Variants in KHDRBS3 observed in about 807,000 individuals in gnomAD.
KHDRBS3 encodes the protein KH RNA binding domain containing, signal transduction associated 3, also known as KH domain-containing, RNA-binding, signal transduction-associated protein 3.
Under a neutral mutation model 45.6 loss-of-function variants are expected in KHDRBS3, and 23 were observed. The observed-to-expected ratio is 0.50, with a 90% CI of 0.36 to 0.72. The LOEUF (loss-of-function observed/expected upper bound fraction) is 0.72. Among genes scored for constraint, KHDRBS3 ranks in the 30% least tolerant of loss-of-function variants. The pLI, the probability that KHDRBS3 is intolerant of heterozygous loss-of-function variation, is 0.00. For synonymous variants in KHDRBS3, 162 were observed against 156.5 expected, an observed-to-expected ratio of 1.04 and a Z score of -0.26; for missense variants, 352 against 424.8, an observed-to-expected ratio of 0.83 and a Z score of 1.51.
intron 3 of KHDRBS3, 149 bp downstream of exon 3, chr8:135,542,919 A>G (rs1487527568): frequency 1.8e-6 from 1 of 561,926 alleles, no homozygotes; most frequent in Non-Finnish European, 3.1e-6. Context: ...GCTTCAGAAT[A>G]TGTAGTAACT....
intron 7 of KHDRBS3, among the ~76,000 whole-genome samples, chr8:135,630,482 A>AGTGT: frequency 6.6e-6 from 1 of 151,002 alleles, no homozygotes; most frequent in African/African-American, 2.4e-5. Flanking sequence ...TATAAAGTTT[A>AGTGT]ATGTATGTAT....
chr8:135,512,566 GT>G (rs1824357964), intron 1 of KHDRBS3, among the ~76,000 whole-genome samples: 1 of 151,962 alleles, frequency 6.6e-6, no homozygotes, highest in South Asian at 2.1e-4. Flanking sequence ...ACAAGTTACA[GT>G]TTTTAGAAGA....
chr8:135,475,580 A>G (rs1822242301), intron 1 of KHDRBS3, among the ~76,000 whole-genome samples: 1 of 152,018 alleles, frequency 6.6e-6, no homozygotes, highest in Admixed American at 6.6e-5. Flanking sequence ...CCAAAGTGTA[A>G]GGAGCATAGG....
At position 135,557,435 on chromosome 8, in the gene KHDRBS3, G is replaced by C. The variant is rs1412579579; in HGVS notation, c.472-13G>C. On this transcript the variant is annotated splice_polypyrimidine_tract_variant and intron_variant, in intron 4 of 8. Coordinates refer to ENST00000355849, the MANE Select transcript of KHDRBS3 (RefSeq NM_006558.3). ...TATGAAGTGAATTTTGCTATCTTCT[G>C]TCTTTTGTGTAGGATTATAATGATG... The C allele has an allele frequency of 6.4e-7, 1 of 1,573,120 alleles. No individual in the cohort carries two copies.
intron 1 of KHDRBS3, among the ~76,000 whole-genome samples, chr8:135,489,461 C>T (rs993222151): frequency 7.7e-4 from 117 of 152,248 alleles, no homozygotes; most frequent in African/African-American, 2.4e-3. Flanking sequence ...GGGTGGATCA[C>T]GAGGTCAAGA....
At chr8:135,465,473 G>A (rs558507210) in intron 1 of KHDRBS3, among the ~76,000 whole-genome samples, 1 of 152,178 alleles carries the variant, frequency 6.6e-6, no homozygotes, top group South Asian at 2.1e-4. Context: ...AATTATTTTA[G>A]TTTTCCAATC....
At chr8:135,608,266 T>C (rs181148864) in intron 7 of KHDRBS3, among the ~76,000 whole-genome samples, 1 of 152,230 alleles carries the variant, frequency 6.6e-6, no homozygotes, top group Non-Finnish European at 1.5e-5. Context: ...CAAAGATATG[T>C]ACCCTTTATA....
intron 2 of KHDRBS3, among the ~76,000 whole-genome samples, chr8:135,533,833 A>G (rs1825599302): frequency 6.6e-6 from 1 of 152,216 alleles, no homozygotes; most frequent in African/African-American, 2.4e-5. Flanking sequence ...AGCCTACCTT[A>G]AATATGTTCG....
chr8:135,591,650 A>T (rs184316470), intron 6 of KHDRBS3, among the ~76,000 whole-genome samples: 1 of 152,164 alleles, frequency 6.6e-6, no homozygotes, highest in Non-Finnish European at 1.5e-5. Flanking sequence ...TGAAATTTTG[A>T]TGACTAGGAA....
chr8:135,554,251 C>T (rs1396798498), intron 4 of KHDRBS3, among the ~76,000 whole-genome samples: 1 of 152,094 alleles, frequency 6.6e-6, no homozygotes, highest in Non-Finnish European at 1.5e-5. Flanking sequence ...TTACTTAGAA[C>T]AATACTTTTT....
At chr8:135,464,319 C>T (rs929515125) in intron 1 of KHDRBS3, among the ~76,000 whole-genome samples, 7 of 152,110 alleles carry the variant, frequency 4.6e-5, no homozygotes, top group Admixed American at 3.9e-4. Context: ...CTTCAGTAGG[C>T]ATTCAAAGTA....
chr8:135,468,536 C>G (rs1428109851), intron 1 of KHDRBS3, among the ~76,000 whole-genome samples: 1 of 152,222 alleles, frequency 6.6e-6, no homozygotes, highest in African/African-American at 2.4e-5. Context: ...GCATTCTACT[C>G]AACCTCTGCT....
chr8:135,595,473 C>T (rs148180904), intron 6 of KHDRBS3, among the ~76,000 whole-genome samples: 44 of 152,310 alleles, frequency 2.9e-4, no homozygotes, highest in African/African-American at 9.9e-4. Context: ...AATAACACAT[C>T]TTCCTTCAAG....
Sources: allele counts gnomAD v4.1 joint callset (sites outside exome capture counted in the v4.1 genomes callset), GRCh38; gene constraint gnomAD v4.1.1; transcripts MANE v1.5; gene names NCBI Gene and HGNC (gene_info 2026-07-23, HGNC 2026-07-21).